FRMD4B: variants seen among roughly 807,000 people sequenced by gnomAD.
The protein encoded by FRMD4B is FERM domain containing 4B.
Under a neutral mutation model 141.5 loss-of-function variants are expected in FRMD4B, and 74 were observed. The ratio of observed to expected loss-of-function variants is 0.52; its 90% CI spans 0.43 to 0.63. The LOEUF (loss-of-function observed/expected upper bound fraction) is 0.63. Ranked by LOEUF, FRMD4B falls within the 30% of genes least tolerant of loss-of-function variation. The pLI is 0.00. For synonymous variants in FRMD4B, 506 were observed against 467.9 expected (o/e 1.08, Z -1.05); for missense variants, 1,366 against 1,253.4 (o/e 1.09, Z -1.36).
intron 7 of FRMD4B, among the ~76,000 whole-genome samples, chr3:69,227,962 TC>T (rs1162573039): frequency 6.6e-6 from 1 of 152,212 alleles, no homozygotes; most frequent in African/African-American, 2.4e-5. Context: ...ATTCAGTTCT[TC>T]TGTAAATCTA....
At chr3:69,454,706 C>T (rs934700201) in intron 1 of FRMD4B, among the ~76,000 whole-genome samples, 2 of 152,222 alleles carry the variant, frequency 1.3e-5, no homozygotes, top group African/African-American at 4.8e-5. Context: ...GCCCACCATG[C>T]CTGAGCCCCG....
At chr3:69,419,298 A>G (rs899670117) in intron 2 of FRMD4B, among the ~76,000 whole-genome samples, 14 of 152,150 alleles carry the variant, frequency 9.2e-5, no homozygotes, top group Admixed American at 9.2e-4. Flanking sequence ...ATCAGCCCAG[A>G]CGTATCTGGC....
chr3:69,256,802 C>A (rs972278200), intron 5 of FRMD4B, among the ~76,000 whole-genome samples: 3 of 152,218 alleles, frequency 2.0e-5, no homozygotes, highest in Admixed American at 6.5e-5. Flanking sequence ...TACATTTGCA[C>A]CCCACTCCTA....
At chr3:69,433,349 T>G (rs897356568) in intron 1 of FRMD4B, among the ~76,000 whole-genome samples, 1 of 152,182 alleles carries the variant, frequency 6.6e-6, no homozygotes, top group African/African-American at 2.4e-5. Flanking sequence ...GAAGCTCCAC[T>G]TCAGTCAATA....
At chr3:69,199,473 A>G (rs941086657) in intron 11 of FRMD4B, among the ~76,000 whole-genome samples, 2 of 152,266 alleles carry the variant, frequency 1.3e-5, no homozygotes, top group African/African-American at 4.8e-5. Context: ...TTTCAATAAC[A>G]TCAGAGATTG....
intron 1 of FRMD4B, among the ~76,000 whole-genome samples, chr3:69,515,532 A>T (rs1700742077): frequency 1.3e-5 from 2 of 152,138 alleles, no homozygotes; most frequent in Non-Finnish European, 2.9e-5. Context: ...TTGGGTTATA[A>T]TTCAATACTA....
chr3:69,472,928 TTTTTTTTTTC>T (rs1453577349), intron 1 of FRMD4B, among the ~76,000 whole-genome samples: 2 of 132,212 alleles, frequency 1.5e-5, no homozygotes, highest in Non-Finnish European at 3.1e-5. Flanking sequence ...AGTCTTTCTT[TTTTTTTTTTC>T]TTTTTTTTTT....
intron 1 of FRMD4B, among the ~76,000 whole-genome samples, chr3:69,538,177 A>G (rs1342455454): frequency 6.6e-6 from 1 of 152,224 alleles, no homozygotes; most frequent in Non-Finnish European, 1.5e-5. Flanking sequence ...CAGAGGAAAG[A>G]AGAAAAAGGC....
At chr3:69,204,677 T>C (rs552585504) in intron 11 of FRMD4B, among the ~76,000 whole-genome samples, 1 of 152,380 alleles carries the variant, frequency 6.6e-6, no homozygotes, top group African/African-American at 2.4e-5. Flanking sequence ...AATGTTTATG[T>C]GACTGAGACA....
chr3:69,320,523 C>A (rs1191170919), intron 1 of FRMD4B, among the ~76,000 whole-genome samples: 2 of 152,072 alleles, frequency 1.3e-5, no homozygotes, highest in Admixed American at 1.3e-4. Flanking sequence ...AGCCCAGCAG[C>A]AGTTCAAGAC....
At chr3:69,455,381 C>T (rs1027735270) in intron 1 of FRMD4B, among the ~76,000 whole-genome samples, 3 of 152,200 alleles carry the variant, frequency 2.0e-5, no homozygotes, top group Non-Finnish European at 2.9e-5. Context: ...TGAGCTGTAA[C>T]ACTCACGGCA....
At chr3:69,421,904 G>A (rs776787001) in intron 2 of FRMD4B, among the ~76,000 whole-genome samples, 6 of 152,156 alleles carry the variant, frequency 3.9e-5, no homozygotes, top group Admixed American at 6.5e-5. Flanking sequence ...AGGAAACAAC[G>A]CTACTGGAAT....
intron 1 of FRMD4B, among the ~76,000 whole-genome samples, chr3:69,486,081 T>C (rs1706210467): frequency 6.6e-6 from 1 of 152,236 alleles, no homozygotes; most frequent in African/African-American, 2.4e-5. Context: ...GGCAGTTCAA[T>C]AGAGCAATTG....
intron 1 of FRMD4B, among the ~76,000 whole-genome samples, chr3:69,502,436 A>T (rs62252346): frequency 0.2 from 30,010 of 152,142 alleles, 3,149 homozygotes; most frequent in African/African-American, 0.26. Flanking sequence ...TGGGGAAAGG[A>T]TTCCCTATTT....
intron 13 of FRMD4B, chr3:69,196,653 G>A (rs993581108): frequency 3.5e-5 from 20 of 575,012 alleles, no homozygotes; most frequent in South Asian, 1.8e-4. Flanking sequence ...CAACATCACC[G>A]CCAGCAGTGT....
chr3:69,174,818 C>A (rs895172898), intron 22 of FRMD4B, among the ~76,000 whole-genome samples: 1 of 152,092 alleles, frequency 6.6e-6, no homozygotes, highest in Non-Finnish European at 1.5e-5. Flanking sequence ...ATTACACAAA[C>A]ACGAAAATAA....
chr3:69,483,196 C>T (rs904996269), intron 1 of FRMD4B, among the ~76,000 whole-genome samples: 22 of 152,160 alleles, frequency 1.4e-4, no homozygotes, highest in Admixed American at 4.6e-4. Flanking sequence ...TTTCTAGGTC[C>T]ATGGGTCAAA....
intron 1 of FRMD4B, among the ~76,000 whole-genome samples, chr3:69,489,835 T>C (rs79435645): frequency 6.6e-6 from 1 of 152,328 alleles, no homozygotes; most frequent in African/African-American, 2.4e-5. Context: ...AAGCCTAATA[T>C]TCATCAACTG....
intron 1 of FRMD4B, among the ~76,000 whole-genome samples, chr3:69,381,395 G>A (rs978958260): frequency 1.4e-4 from 21 of 152,182 alleles, no homozygotes; most frequent in African/African-American, 5.1e-4. Flanking sequence ...ACACCCCCAG[G>A]AGACTGACAG....
Sources: allele counts gnomAD v4.1 joint callset (sites outside exome capture counted in the v4.1 genomes callset), GRCh38; gene constraint gnomAD v4.1.1; transcripts MANE v1.5; gene names NCBI Gene and HGNC (gene_info 2026-07-23, HGNC 2026-07-21).